IQCH: variants seen among roughly 807,000 people sequenced by gnomAD.
IQCH encodes IQ motif containing H, also known as IQ domain-containing protein H.
In IQCH, 98 loss-of-function variants were observed where a neutral mutation model predicts 117.0. The ratio of observed to expected loss-of-function variants is 0.84; its 90% confidence interval spans 0.71 to 0.99. The LOEUF is 0.99. Among genes scored for constraint, IQCH ranks in the 50% least tolerant of loss-of-function variants. The pLI is 0.00. For missense variants in IQCH, 1,102 were observed against 1,243.8 expected, an observed-to-expected ratio of 0.89 and a Z score of 1.72; for synonymous variants, 412 against 448.2, an observed-to-expected ratio of 0.92 and a Z score of 1.02.
chr15:67,450,486 G>A (rs1326827115), intron 16 of IQCH, among the ~76,000 whole-genome samples: 2 of 152,094 alleles, frequency 1.3e-5, no homozygotes, highest in Non-Finnish European at 2.9e-5. Flanking sequence ...ATAATCATGT[G>A]GTTTTTGTCT....
chr15:67,356,659 T>A lies in IQCH; in HGVS notation c.638-686T>A, dbSNP rs1429376706. Among the ~76,000 whole-genome samples the A allele has an allele frequency of 1.3e-5, 2 of 152,232 alleles. No individual in the cohort carries two copies. The highest frequency in any genetic ancestry group is 1.3e-4 in the Admixed American group (2 of 15,276). The stretch of plus-strand genomic sequence containing the variant: ...CCATTTAAATAAATTTTTTGTTCTC[T>A]TTCTTGGGCTGAGTAGTATAAGGAT... On this transcript the variant is annotated intron_variant, in intron 6 of 20. Transcript: ENST00000335894. This position sits in a 1 kb window ranked among gnomAD's most constrained non-coding sequence, Gnocchi z 5.3.
rs1344681667 is a variant in IQCH at position 67,490,268 on chromosome 15, C to T, written c.2861+204C>T. 1.3e-5 allele frequency among the ~76,000 whole-genome samples: 2 copies of T among 152,152 alleles called. No individual in the cohort carries two copies. The highest frequency in any genetic ancestry group is 1.5e-5 in the Non-Finnish European group (1 of 67,984). On this transcript the variant is annotated intron_variant, in intron 19 of 20. Coordinates refer to ENST00000335894, the MANE Select transcript of IQCH (RefSeq NM_001031715.3). The surrounding 1 kb of genome is among the most constrained non-coding windows in gnomAD (Gnocchi z 4.9). ...TCACCCAGGCTGGAGTGCAGTGGCG[C>T]GATCTCAGCTCACTGCAACCTCCAC...
rs2083649371 is a variant in IQCH, at chr15:67,491,366, T to C, written c.2861+1302T>C. On this transcript the variant is annotated intron_variant, in intron 19 of 20. Coordinates refer to ENST00000335894, the MANE Select transcript of IQCH (RefSeq NM_001031715.3). The surrounding 1 kb of genome is among the most constrained non-coding windows in gnomAD (Gnocchi z 4.9). ...TTAGACCATTATCAATACAGTGATA[T>C]TCACCCTCATCGATCCTTTTGAACT... 6.6e-6 allele frequency among the ~76,000 whole-genome samples: 1 copy of C among 152,176 alleles called. No individual in the cohort carries two copies. The highest frequency in any genetic ancestry group is 2.4e-5 in the African/African-American group (1 of 41,452).
At chr15:67,282,502 C>A (rs1966400690) in intron 4 of IQCH, among the ~76,000 whole-genome samples, 1 of 152,134 alleles carries the variant, frequency 6.6e-6, no homozygotes, top group Admixed American at 6.5e-5. Context: ...ATTTCCTACC[C>A]TGACTTTGCC....
intron 5 of IQCH, among the ~76,000 whole-genome samples, chr15:67,338,205 GTCTA>G (rs10528833): frequency 0.031 from 3,233 of 105,608 alleles, 45 homozygotes; most frequent in African/African-American, 0.053. Flanking sequence ...ATATCTGTCT[GTCTA>G]TCTATCTATC....
intron 4 of IQCH, among the ~76,000 whole-genome samples, chr15:67,312,980 G>A (rs1386383765): frequency 6.6e-6 from 1 of 152,094 alleles, no homozygotes; most frequent in Non-Finnish European, 1.5e-5. Flanking sequence ...ATAGACTAGA[G>A]TGATTCGCCC....
chr15:67,442,883 T>A (rs901107919), intron 16 of IQCH, among the ~76,000 whole-genome samples: 5 of 147,098 alleles, frequency 3.4e-5, no homozygotes, highest in Non-Finnish European at 6.0e-5. Context: ...TATATATATA[T>A]AAAATACATA....
chr15:67,254,798 G>A lies in IQCH; in HGVS notation c.-99G>A, dbSNP rs558335276. 131 of 1,399,362 alleles carry A rather than the reference G, an allele frequency of 9.4e-5. No individual in the cohort carries two copies. The South Asian group carries it at 1.5e-3, about 16-fold the overall frequency. The allele number at this position is 1,399,362 out of a possible 1,614,324, so 86.7% of individuals were successfully genotyped here. A position where few individuals can be genotyped will look rare whatever the true frequency, so the allele number is the denominator to read the frequency against. Reference sequence around the variant, plus strand: ...CCGCTCCCAGCGTGGAACAGGCCAGGTCGCGCGCGGTGTTGCCATGGGGAC... The same window carrying A: ...CCGCTCCCAGCGTGGAACAGGCCAGATCGCGCGCGGTGTTGCCATGGGGAC... On this transcript the variant is annotated 5_prime_UTR_variant, in exon 1 of 21. Coordinates refer to ENST00000335894, the MANE Select transcript of IQCH (RefSeq NM_001031715.3).
intron 18 of IQCH, among the ~76,000 whole-genome samples, chr15:67,477,504 A>G (rs1456797718): frequency 6.6e-6 from 1 of 152,208 alleles, no homozygotes; most frequent in Non-Finnish European, 1.5e-5. Context: ...GTTTGCAGAC[A>G]CATAAAGTGG....
intron 16 of IQCH, among the ~76,000 whole-genome samples, chr15:67,460,226 G>A (rs983206429): frequency 2.6e-5 from 4 of 152,216 alleles, no homozygotes; most frequent in African/African-American, 9.6e-5. Flanking sequence ...CATGAGGCTA[G>A]TGGCTACCAT....
chr15:67,255,758 C>G (rs1376106652), intron 1 of IQCH, among the ~76,000 whole-genome samples: 1 of 152,188 alleles, frequency 6.6e-6, no homozygotes, highest in Non-Finnish European at 1.5e-5. Flanking sequence ...TCTAATTTTT[C>G]TGGCAGAATT....
chr15:67,438,557 A>G (rs1469339265), intron 16 of IQCH, among the ~76,000 whole-genome samples: 3 of 152,254 alleles, frequency 2.0e-5, no homozygotes, highest in African/African-American at 7.2e-5. Context: ...ACAGTACCTC[A>G]TATTTCAATA....
chr15:67,265,891 A>G (rs1473443213), intron 3 of IQCH, among the ~76,000 whole-genome samples: 3 of 152,286 alleles, frequency 2.0e-5, no homozygotes, highest in Admixed American at 6.5e-5. Context: ...AATTCATTGC[A>G]TTTTTCTTCT....
rs376892369 is a variant in IQCH, at chr15:67,475,835, T to C, written c.2799+17T>C. 6.2e-6 allele frequency: 10 copies of C among 1,612,612 alleles called. No individual in the cohort carries two copies. The highest frequency in any genetic ancestry group is 4.0e-5 in the African/African-American group (3 of 74,896). ...GATGTTGAGGTATGAAGGGTTACAG[T>C]TGGCCAGGGGCGGCCAAAGACATGC... On this transcript the variant is annotated intron_variant, in intron 18 of 20. Coordinates refer to ENST00000335894, the MANE Select transcript of IQCH (RefSeq NM_001031715.3). The surrounding 1 kb of genome is among the most constrained non-coding windows in gnomAD (Gnocchi z 5.7).
intron 15 of IQCH, 142 bp from the exon 16 acceptor site, chr15:67,421,149 C>T: frequency 3.1e-6 from 2 of 652,338 alleles, no homozygotes; most frequent in East Asian, 2.7e-5. Flanking sequence ...TTATTATGCC[C>T]ATATTACGGA....
At chr15:67,367,363 C>G (rs972253790) in intron 8 of IQCH, among the ~76,000 whole-genome samples, 2 of 151,964 alleles carry the variant, frequency 1.3e-5, no homozygotes, top group Non-Finnish European at 2.9e-5. Flanking sequence ...TAGTGAGACC[C>G]TTATCTCTAC....
chr15:67,316,134 A>G (rs1258200560), intron 4 of IQCH, among the ~76,000 whole-genome samples: 1 of 152,166 alleles, frequency 6.6e-6, no homozygotes, highest in Non-Finnish European at 1.5e-5. Flanking sequence ...AACCACTTTA[A>G]GATTGTTCCT....
At chr15:67,498,859 G>A (rs915203339) in intron 20 of IQCH, among the ~76,000 whole-genome samples, 1 of 152,124 alleles carries the variant, frequency 6.6e-6, no homozygotes, top group Non-Finnish European at 1.5e-5. Context: ...CACAGAAAGG[G>A]AAATAATATT....
intron 20 of IQCH, among the ~76,000 whole-genome samples, chr15:67,495,138 A>C (rs1320783472): frequency 6.6e-6 from 1 of 152,244 alleles, no homozygotes; most frequent in Non-Finnish European, 1.5e-5. Context: ...TCCTAAATGG[A>C]AAGTCCAACA....
Sources: gnomAD v4.1 joint callset for allele counts (sites outside exome capture counted in the v4.1 genomes callset) on GRCh38, gnomAD v4.1.1 for gene constraint, Gnocchi (gnomAD v3.1) non-coding constraint, MANE v1.5 for transcripts, NCBI Gene and HGNC (gene_info 2026-07-23, HGNC 2026-07-21) for gene names.